BCR: variants seen among roughly 807,000 people sequenced by gnomAD.
BCR encodes the protein breakpoint cluster region protein.
In BCR, 58 loss-of-function variants were observed where a neutral mutation model predicts 138.6. That is an observed-to-expected ratio of 0.42 (90% confidence interval 0.34 to 0.52). The LOEUF (loss-of-function observed/expected upper bound fraction) is 0.52, where lower values mean the gene tolerates loss of function less well. Among genes scored for constraint, BCR ranks in the 20% least tolerant of loss-of-function variants. BCR has a pLI of 0.06. For synonymous variants in BCR, 786 were observed against 730.1 expected, an observed-to-expected ratio of 1.08 and a Z score of -1.23; for missense variants, 1,599 against 1,727.2, an observed-to-expected ratio of 0.93 and a Z score of 1.32.
In BCR at chr22:23,253,867, C is replaced by G. The variant is rs771506995; in HGVS notation, c.1348C>G (p.Gln450Glu). The G allele has an allele frequency of 6.2e-7, 1 of 1,613,288 alleles. No homozygotes were observed. The highest frequency in any genetic ancestry group is 1.7e-5 in the Admixed American group (1 of 60,022). The change falls in exon 2 of 23, where the codon CAA becomes GAA. Residue 450 changes from glutamine to glutamate, a missense_variant. Physicochemically the swap from Gln to Glu is conservative, Grantham distance 29. Coordinates refer to ENST00000305877, the MANE Select transcript of BCR (RefSeq NM_004327.4). Reference sequence around the variant, plus strand: ...CCGGGCAGAGGAGCAGCGCCGGCACCAAGATGGGCTGCCCTACATTGATGA... The same window carrying G: ...CCGGGCAGAGGAGCAGCGCCGGCACGAAGATGGGCTGCCCTACATTGATGA... ...ADRAEEQRRH[Q>E]DGLPYIDDSP... is the part of the protein sequence containing the mutation.
chr22:23,200,005 A>G (rs1305345758), intron 1 of BCR, among the ~76,000 whole-genome samples: 1 of 151,914 alleles, frequency 6.6e-6, no homozygotes, highest in East Asian at 1.9e-4. Context: ...TGAGAATGGC[A>G]TGAACTCGGG....
At chr22:23,249,823 G>C (rs937145018) in intron 1 of BCR, among the ~76,000 whole-genome samples, 1 of 152,182 alleles carries the variant, frequency 6.6e-6, no homozygotes, top group Non-Finnish European at 1.5e-5. Context: ...AGGGGCTGAA[G>C]CCCTCATATG....
chr22:23,272,263 A>AT (rs2073518376), intron 6 of BCR, among the ~76,000 whole-genome samples: 2 of 152,194 alleles, frequency 1.3e-5, no homozygotes, highest in Admixed American at 1.3e-4. Flanking sequence ...GTCACTTCTT[A>AT]TTTTCAGTTG....
chr22:23,269,864 G>A lies in BCR; in HGVS notation c.1860+1349G>A, dbSNP rs73878670. ...GGCAAGTTCAAGTCCACCCAGACAG[G>A]TTTCTGCAGAGGAGGGAGGAAACAC... On this transcript the variant is annotated intron_variant, in intron 5 of 22. Coordinates refer to ENST00000305877, the MANE Select transcript of BCR (RefSeq NM_004327.4). Among the ~76,000 whole-genome samples the A allele has an allele frequency of 5.0e-3, 764 of 152,310 alleles. 6 individuals are homozygous for A. The highest frequency in any genetic ancestry group is 0.017 in the African/African-American group (727 of 41,564).
intron 1 of BCR, chr22:23,199,362 G>A (rs78593182): frequency 2.9e-5 from 15 of 513,190 alleles, no homozygotes; most frequent in Non-Finnish European, 5.0e-5. Context: ...TGTGAGCCCC[G>A]CGGTTGCTTA....
At chr22:23,207,981 C>T (rs1265999092) in intron 1 of BCR, among the ~76,000 whole-genome samples, 6 of 152,320 alleles carry the variant, frequency 3.9e-5, no homozygotes, top group African/African-American at 1.4e-4. Context: ...ACCCCGGCTG[C>T]CCTGGCTGAG....
intron 1 of BCR, among the ~76,000 whole-genome samples, chr22:23,253,300 G>A (rs560307209): frequency 3.9e-5 from 6 of 152,220 alleles, no homozygotes; most frequent in Non-Finnish European, 8.8e-5. Flanking sequence ...ACTGGCCATT[G>A]GTGATCAACT....
chr22:23,201,209 G>A (rs1037152719), intron 1 of BCR, among the ~76,000 whole-genome samples: 1 of 152,246 alleles, frequency 6.6e-6, no homozygotes, highest in African/African-American at 2.4e-5. Context: ...GCACAGCAGA[G>A]CTGGCTCCTC....
intron 22 of BCR, among the ~76,000 whole-genome samples, chr22:23,315,070 A>G (rs2074053650): frequency 6.6e-6 from 1 of 152,182 alleles, no homozygotes; most frequent in Non-Finnish European, 1.5e-5. Flanking sequence ...AAATAAAAAG[A>G]AAAATTAGCC....
Position 23,315,467 on chromosome 22 carries a change from C to G in BCR, c.3761C>G (p.Ala1254Gly). Residue 1254 changes from alanine to glycine, a missense_variant, in exon 23 of 23, where the codon GCC (alanine) becomes GGC (glycine). Coordinates refer to ENST00000305877, the MANE Select transcript of BCR (RefSeq NM_004327.4). ...QVLLYFLQLE[A>G]IPAPDSKRQS... ...CTGCTGTACTTCCTGCAGCTGGAGGCCATCCCTGCCCCGGACAGCAAGAGA... is the reference window on the plus strand; with the variant it reads ...CTGCTGTACTTCCTGCAGCTGGAGGGCATCCCTGCCCCGGACAGCAAGAGA... 1 of 1,613,214 alleles carries G rather than the reference C, an allele frequency of 6.2e-7. No individual in the cohort carries two copies. The highest frequency in any genetic ancestry group is 1.1e-5 in the South Asian group (1 of 91,044).
chr22:23,256,928 TCA>T (rs2073301352), intron 2 of BCR, among the ~76,000 whole-genome samples: 1 of 152,084 alleles, frequency 6.6e-6, no homozygotes, highest in African/African-American at 2.4e-5. Context: ...CTAGGTAGGG[TCA>T]TGGTAGGAGG....
chr22:23,233,618 T>C (rs1250672375), intron 1 of BCR, among the ~76,000 whole-genome samples: 4 of 151,896 alleles, frequency 2.6e-5, no homozygotes, highest in Non-Finnish European at 5.9e-5. Flanking sequence ...TGAAACCCCG[T>C]CTTTGCTAAA....
At chr22:23,190,200 T>C (rs1376429920) in intron 1 of BCR, among the ~76,000 whole-genome samples, 2 of 152,040 alleles carry the variant, frequency 1.3e-5, no homozygotes, top group Non-Finnish European at 2.9e-5. Context: ...GGAGTTTCAC[T>C]CTTGTCACCC....
In BCR at chr22:23,273,142, C is replaced by T. The variant is rs761438835; in HGVS notation, c.1974+9C>T. On this transcript the variant is annotated intron_variant, in intron 7 of 22. Transcript: ENST00000305877. ...GCACGCTGGTCCTCCATGTAAGTCA[C>T]AGCGCCCCTCTGGACCGGGACCAAA... is the stretch of plus-strand genomic sequence containing the variant. The T allele has an allele frequency of 5.0e-6, 8 of 1,612,778 alleles. No homozygotes were observed. In the African/African-American group the frequency reaches 6.7e-5, roughly 13 times the overall value.
At position 23,314,080 on chromosome 22, in the gene BCR, C is replaced by T. The variant is rs1428066085; in HGVS notation, c.3563+7C>T. 3 of 1,610,596 alleles carry T rather than the reference C, an allele frequency of 1.9e-6. No individual in the cohort carries two copies. Among genetic ancestry groups the T allele is most frequent in the Non-Finnish European group, 2.5e-6 (3 of 1,178,014 alleles). ...TTCTGGACCACCTGAAAAGGTAGCCCAGCTCTCCCATGGCAGCCCAGGGCT... is the reference window on the plus strand; with the variant it reads ...TTCTGGACCACCTGAAAAGGTAGCCTAGCTCTCCCATGGCAGCCCAGGGCT... On this transcript the variant is annotated splice_region_variant and intron_variant, in intron 21 of 22. Coordinates refer to ENST00000305877, the MANE Select transcript of BCR (RefSeq NM_004327.4).
At chr22:23,292,511 G>A in intron 14 of BCR, 30 bp from the exon 15 acceptor site, 4 of 1,541,604 alleles carry the variant, frequency 2.6e-6, no homozygotes, top group Non-Finnish European at 3.6e-6. Context: ...AAAGACCTGT[G>A]ACCTTCTCCA....
chr22:23,276,911 A>G (rs2073584471), intron 8 of BCR, among the ~76,000 whole-genome samples: 1 of 152,232 alleles, frequency 6.6e-6, no homozygotes, highest in Admixed American at 6.5e-5. Context: ...TCTGAGGGCA[A>G]TGATGCAGGG....
chr22:23,307,455 G>C (rs1368575474), intron 16 of BCR: 3 of 151,456 alleles, frequency 2.0e-5, no homozygotes, highest in African/African-American at 7.3e-5. Context: ...CACTCTGTCC[G>C]CATCCCTCAT....
chr22:23,182,363 T>C, intron 1 of BCR, 124 bp downstream of exon 1: 3 of 1,171,462 alleles, frequency 2.6e-6, no homozygotes, highest in Middle Eastern at 2.9e-4. Flanking sequence ...TCAGGTGCAC[T>C]TGTGGTTCAC....
Sources: allele counts gnomAD v4.1 joint callset (sites outside exome capture counted in the v4.1 genomes callset), GRCh38; gene constraint gnomAD v4.1.1; transcripts MANE v1.5; gene names NCBI Gene and HGNC (gene_info 2026-07-23, HGNC 2026-07-21).